Variants in SIPA1L3 observed in about 807,000 individuals in gnomAD.
The protein encoded by SIPA1L3 is signal-induced proliferation-associated 1-like protein 3.
A neutral mutation model predicts 150.1 loss-of-function variants in SIPA1L3; 59 were observed. That is an observed-to-expected ratio of 0.39 (90% CI 0.32 to 0.49). SIPA1L3 has a LOEUF of 0.49. Ranked by LOEUF, SIPA1L3 falls within the 20% of genes least tolerant of loss-of-function variation. SIPA1L3 has a pLI of 0.86. For synonymous variants in SIPA1L3, 1,070 were observed against 1,077.6 expected (o/e 0.99, Z 0.14); for missense variants, 2,211 against 2,489.5 (o/e 0.89, Z 2.38).
At chr19:38,004,753 T>C (rs1309145434) in intron 1 of SIPA1L3, among the ~76,000 whole-genome samples, 1 of 152,148 alleles carries the variant, frequency 6.6e-6, no homozygotes, top group Non-Finnish European at 1.5e-5. Flanking sequence ...AAACCTGCCA[T>C]AGAGGAAGGG....
intron 1 of SIPA1L3, among the ~76,000 whole-genome samples, chr19:37,909,418 A>G (rs552386443): frequency 6.6e-6 from 1 of 151,924 alleles, no homozygotes; most frequent in East Asian, 1.9e-4. Context: ...CATGTTGGCC[A>G]GGCTGGTCTT....
rs1048955261 is a variant in SIPA1L3, at chr19:38,047,600, G to A, written c.-311+18444G>A. On this transcript the variant is annotated intron_variant, in intron 2 of 21. Transcript: ENST00000222345. This position sits in a 1 kb window ranked among gnomAD's most constrained non-coding sequence, Gnocchi z 4.7. Reference sequence around the variant, plus strand: ...CTTTATAGTAGAGGCAGTCACAGGCGATCTGTGGGTAGAGCGATGATTGAA... The same window carrying A: ...CTTTATAGTAGAGGCAGTCACAGGCAATCTGTGGGTAGAGCGATGATTGAA... 1.3e-5 allele frequency among the ~76,000 whole-genome samples: 2 copies of A among 152,182 alleles called. No homozygotes were observed. The highest frequency in any genetic ancestry group is 4.8e-5 in the African/African-American group (2 of 41,432).
At chr19:38,067,653 T>G (rs1969626018) in intron 2 of SIPA1L3, among the ~76,000 whole-genome samples, 1 of 151,776 alleles carries the variant, frequency 6.6e-6, no homozygotes, top group Non-Finnish European at 1.5e-5. Flanking sequence ...TCCCAGCTAC[T>G]CTGGAGGCTG....
intron 1 of SIPA1L3, among the ~76,000 whole-genome samples, chr19:38,020,484 C>T (rs145258000): frequency 3.0e-4 from 45 of 152,268 alleles, no homozygotes; most frequent in African/African-American, 9.9e-4. Flanking sequence ...TTTTCATAGG[C>T]GTTCAGGAAG....
At chr19:37,911,740 C>G (rs551832931) in intron 1 of SIPA1L3, among the ~76,000 whole-genome samples, 2 of 151,810 alleles carry the variant, frequency 1.3e-5, no homozygotes, top group Admixed American at 6.6e-5. Context: ...ACCTCGTGAT[C>G]CGCCCACCTC....
chr19:38,000,959 A>C (rs200037965), intron 1 of SIPA1L3, among the ~76,000 whole-genome samples: 14 of 144,896 alleles, frequency 9.7e-5, no homozygotes, highest in South Asian at 4.3e-4. Flanking sequence ...ACACACATAT[A>C]ACACATATAT....
chr19:38,156,507 T>C (rs1255453978), intron 13 of SIPA1L3, among the ~76,000 whole-genome samples: 1 of 149,548 alleles, frequency 6.7e-6, no homozygotes, highest in Non-Finnish European at 1.5e-5. Flanking sequence ...CACGCCCACA[T>C]GGATCAGGGG....
At chr19:37,964,183 G>A (rs979000837) in intron 1 of SIPA1L3, 1 of 152,098 alleles carries the variant, frequency 6.6e-6, no homozygotes, top group African/African-American at 2.4e-5. Flanking sequence ...TTTGGGAGGT[G>A]GAGACAGGAT....
chr19:38,193,363 G>A, intron 17 of SIPA1L3, among the ~76,000 whole-genome samples, 174 bp from the exon 18 acceptor site: 1 of 139,104 alleles, frequency 7.2e-6, no homozygotes, highest in Non-Finnish European at 1.6e-5. Flanking sequence ...AAGGAAGGAA[G>A]GAGGGAGGGG....
At chr19:38,108,113 G>A (rs1011233714) in intron 7 of SIPA1L3, among the ~76,000 whole-genome samples, 1 of 152,130 alleles carries the variant, frequency 6.6e-6, no homozygotes, top group African/African-American at 2.4e-5. Context: ...AGTCCCTGCT[G>A]TGTAAAATGG....
chr19:38,079,766 G>C (rs938695239), intron 2 of SIPA1L3, among the ~76,000 whole-genome samples: 1 of 152,158 alleles, frequency 6.6e-6, no homozygotes, highest in Non-Finnish European at 1.5e-5. Flanking sequence ...ATGTTGGCCA[G>C]GCTGGTCTTG....
chr19:38,012,051 C>G (rs1386518655), intron 1 of SIPA1L3, among the ~76,000 whole-genome samples: 1 of 151,004 alleles, frequency 6.6e-6, no homozygotes, highest in Non-Finnish European at 1.5e-5. Flanking sequence ...TCCTGTGTCT[C>G]CCAACATGCA....
intron 1 of SIPA1L3, among the ~76,000 whole-genome samples, chr19:37,925,119 G>T (rs992055465): frequency 1.3e-5 from 2 of 151,940 alleles, no homozygotes; most frequent in South Asian, 2.1e-4. Context: ...GTGACTGGAA[G>T]CACAGTAGGT....
intron 1 of SIPA1L3, among the ~76,000 whole-genome samples, chr19:37,926,583 G>T (rs2046505709): frequency 6.6e-6 from 1 of 152,150 alleles, no homozygotes; most frequent in South Asian, 2.1e-4. Flanking sequence ...ATCTCTGCGG[G>T]GACCAGGTGG....
In SIPA1L3 at chr19:38,032,224, C is replaced by T. The variant is rs570056827; in HGVS notation, c.-311+3068C>T. On this transcript the variant is annotated intron_variant, in intron 2 of 21. Coordinates refer to ENST00000222345, the MANE Select transcript of SIPA1L3 (RefSeq NM_015073.3). ...TAGTTACTAATTTATATCCTATGGGCTCATAGATACTTGTTTTAATCTAGC... is the reference window on the plus strand; with the variant it reads ...TAGTTACTAATTTATATCCTATGGGTTCATAGATACTTGTTTTAATCTAGC... 2.6e-5 allele frequency among the ~76,000 whole-genome samples: 4 copies of T among 152,288 alleles called. No individual in the cohort carries two copies. In the South Asian group the frequency reaches 8.3e-4, roughly 32 times the overall value.
At chr19:38,177,651 A>T (rs1023481854) in intron 15 of SIPA1L3, among the ~76,000 whole-genome samples, 23 of 151,992 alleles carry the variant, frequency 1.5e-4, no homozygotes, top group Admixed American at 1.4e-3. Flanking sequence ...CATCGTTTCC[A>T]TTTACTATAG....
chr19:38,142,728 CT>C lies in SIPA1L3; in HGVS notation c.3533+22del. The C allele has an allele frequency of 6.2e-7, 1 of 1,607,228 alleles. No homozygotes were observed. Among genetic ancestry groups the C allele is most frequent in the Non-Finnish European group, 8.5e-7 (1 of 1,175,288 alleles). On this transcript the variant is annotated intron_variant, in intron 12 of 21. Transcript: ENST00000222345. The stretch of plus-strand genomic sequence containing the variant: ...CCAGAAAGGTCAGCCTCCCTCAATT[CT>C]TTTCATGTTAAGGGATCTGATGAAA...
intron 2 of SIPA1L3, among the ~76,000 whole-genome samples, chr19:38,035,632 A>G (rs1355580560): frequency 6.6e-6 from 1 of 152,136 alleles, no homozygotes; most frequent in African/African-American, 2.4e-5. Flanking sequence ...ATTTTCTCCC[A>G]AGGTGGTTGT....
At position 38,092,882 on chromosome 19, in the gene SIPA1L3, C is replaced by T. The variant is rs369004111; in HGVS notation, c.1665+4031C>T. On this transcript the variant is annotated intron_variant, in intron 4 of 21. Transcript: ENST00000222345. Reference sequence around the variant, plus strand: ...TTTTTTTTTTTTTTTTTTCCCGAGACGGAGTCTAGCTTTGTTCCCCAGGCT... The same window carrying T: ...TTTTTTTTTTTTTTTTTTCCCGAGATGGAGTCTAGCTTTGTTCCCCAGGCT... Among the ~76,000 whole-genome samples, 467 of 130,738 alleles carry T rather than the reference C, an allele frequency of 3.6e-3. 1 individual carries two copies. The highest frequency in any genetic ancestry group is 0.013 in the African/African-American group (436 of 33,988). 85.8% of individuals were successfully genotyped at this position (130,738 alleles called of 152,430 possible).
Sources: gnomAD v4.1 joint callset for allele counts (sites outside exome capture counted in the v4.1 genomes callset) on GRCh38, gnomAD v4.1.1 for gene constraint, Gnocchi (gnomAD v3.1) non-coding constraint, MANE v1.5 for transcripts, NCBI Gene and HGNC (gene_info 2026-07-23, HGNC 2026-07-21) for gene names.